The following NSMCE2 variants were observed in gnomAD, a reference collection of about 807,000 sequenced individuals.
NSMCE2 encodes E3 SUMO-protein ligase NSE2.
Under a neutral mutation model 23.8 loss-of-function variants are expected in NSMCE2, and 24 were observed. The ratio of observed to expected loss-of-function variants is 1.01; its 90% CI spans 0.73 to 1.42. The LOEUF is 1.42. Among genes scored for constraint, NSMCE2 ranks in the 40% most tolerant of loss-of-function variants. The pLI is 0.00. For missense variants in NSMCE2, 284 were observed against 296.5 expected, an observed-to-expected ratio of 0.96 and a Z score of 0.31; for synonymous variants, 92 against 94.1, an observed-to-expected ratio of 0.98 and a Z score of 0.13.
intron 5 of NSMCE2, among the ~76,000 whole-genome samples, chr8:125,247,333 CA>C (rs879906088): frequency 4.9e-5 from 7 of 144,094 alleles, no homozygotes; most frequent in African/African-American, 1.0e-4. Context: ...ACATTGTCTC[CA>C]AAAAAAAAAG....
intron 3 of NSMCE2, among the ~76,000 whole-genome samples, chr8:125,105,463 GT>G (rs368736347): frequency 1.7e-4 from 26 of 149,474 alleles, no homozygotes; most frequent in African/African-American, 5.7e-4. Flanking sequence ...TAGCTACAGA[GT>G]TTTTTTTTTC....
chr8:125,312,583 C>G (rs1829012813), intron 5 of NSMCE2, among the ~76,000 whole-genome samples: 1 of 152,192 alleles, frequency 6.6e-6, no homozygotes, highest in African/African-American at 2.4e-5. Flanking sequence ...CAAGATCACG[C>G]CACTGCATTC....
At chr8:125,201,935 C>T (rs1162733670) in intron 5 of NSMCE2, among the ~76,000 whole-genome samples, 1 of 152,228 alleles carries the variant, frequency 6.6e-6, no homozygotes, top group Non-Finnish European at 1.5e-5. Context: ...CATTCCCCCG[C>T]CTTCCTGCGA....
chr8:125,178,410 AGTAT>A (rs1463411767), intron 4 of NSMCE2, among the ~76,000 whole-genome samples: 16 of 152,338 alleles, frequency 1.1e-4, no homozygotes, highest in Admixed American at 9.1e-4. Flanking sequence ...TTATCATGTA[AGTAT>A]GGTACCTACT....
chr8:125,222,438 C>G (rs1022593931), intron 5 of NSMCE2, among the ~76,000 whole-genome samples: 3 of 152,080 alleles, frequency 2.0e-5, no homozygotes, highest in African/African-American at 4.8e-5. Flanking sequence ...GATTTTCGTG[C>G]TGTGCAATAG....
At chr8:125,234,453 T>C (rs1266551328) in intron 5 of NSMCE2, among the ~76,000 whole-genome samples, 2 of 152,226 alleles carry the variant, frequency 1.3e-5, no homozygotes, top group Non-Finnish European at 2.9e-5. Flanking sequence ...TCTGAGTCTT[T>C]CTTGCTCTGA....
intron 1 of NSMCE2, among the ~76,000 whole-genome samples, chr8:125,092,321 G>A (rs905588948): frequency 6.6e-6 from 1 of 152,194 alleles, no homozygotes; most frequent in African/African-American, 2.4e-5. Flanking sequence ...AAAGTGCCGG[G>A]ACACCAGTTT....
At chr8:125,283,522 A>G (rs1176300958) in intron 5 of NSMCE2, among the ~76,000 whole-genome samples, 2 of 152,184 alleles carry the variant, frequency 1.3e-5, no homozygotes, top group Non-Finnish European at 2.9e-5. Context: ...TGTCAAAAAA[A>G]TTAAAAAAGA....
intron 5 of NSMCE2, among the ~76,000 whole-genome samples, chr8:125,191,072 A>G (rs1467225931): frequency 6.6e-6 from 1 of 152,026 alleles, no homozygotes; most frequent in Non-Finnish European, 1.5e-5. Context: ...GGGTTTCACC[A>G]TGTTGGCCAG....
chr8:125,362,350 C>T (rs1813597361), intron 7 of NSMCE2, among the ~76,000 whole-genome samples: 2 of 152,212 alleles, frequency 1.3e-5, no homozygotes, highest in Admixed American at 1.3e-4. Flanking sequence ...CTTCCCAGTT[C>T]CAGCATCAAC....
chr8:125,256,922 C>CAAAAAAAAAAA (rs60308659), intron 5 of NSMCE2, among the ~76,000 whole-genome samples: 3 of 26,066 alleles, frequency 1.2e-4, no homozygotes, highest in African/African-American at 2.2e-4. Context: ...GACTCTGTGT[C>CAAAAAAAAAAA]AAAAAAAAAA....
chr8:125,274,703 G>A (rs554381957), intron 5 of NSMCE2, among the ~76,000 whole-genome samples: 1 of 152,246 alleles, frequency 6.6e-6, no homozygotes, highest in South Asian at 2.1e-4. Flanking sequence ...GCCAAGGCAG[G>A]CAGATGACCT....
At chr8:125,156,485 A>G (rs780933382) in intron 4 of NSMCE2, among the ~76,000 whole-genome samples, 2 of 152,208 alleles carry the variant, frequency 1.3e-5, no homozygotes, top group Non-Finnish European at 1.5e-5. Flanking sequence ...TCAATATCTT[A>G]TAACAATTCC....
At chr8:125,190,639 CT>C in intron 5 of NSMCE2, among the ~76,000 whole-genome samples, 1 of 152,134 alleles carries the variant, frequency 6.6e-6, no homozygotes, top group East Asian at 1.9e-4. Context: ...GAGAAATTAA[CT>C]TTTTCTACAT....
chr8:125,213,043 G>T (rs906100227), intron 5 of NSMCE2, among the ~76,000 whole-genome samples: 1 of 152,120 alleles, frequency 6.6e-6, no homozygotes, highest in African/African-American at 2.4e-5. Context: ...AGCAGTAAAT[G>T]ATGATTGGCT....
chr8:125,276,269 T>C (rs1463575472), intron 5 of NSMCE2, among the ~76,000 whole-genome samples: 2 of 152,200 alleles, frequency 1.3e-5, no homozygotes, highest in Non-Finnish European at 2.9e-5. Context: ...TCAAACAGAA[T>C]GGAAACCATA....
intron 3 of NSMCE2, among the ~76,000 whole-genome samples, chr8:125,149,747 TATAA>T (rs1240435175): frequency 5.3e-5 from 8 of 152,218 alleles, no homozygotes; most frequent in Non-Finnish European, 1.2e-4. Context: ...TTCTGACTAA[TATAA>T]ATAGTTACAA....
chr8:125,217,240 A>T (rs1824629576), intron 5 of NSMCE2, among the ~76,000 whole-genome samples: 1 of 152,202 alleles, frequency 6.6e-6, no homozygotes, highest in Non-Finnish European at 1.5e-5. Flanking sequence ...CTTTCTCAGA[A>T]TATTGAAAAT....
chr8:125,293,701 A>T (rs1279041521), intron 5 of NSMCE2, among the ~76,000 whole-genome samples: 1 of 152,238 alleles, frequency 6.6e-6, no homozygotes, highest in Non-Finnish European at 1.5e-5. Flanking sequence ...TGATGGGTTA[A>T]ACACTGAATG....
Sources: allele counts gnomAD v4.1 joint callset (sites outside exome capture counted in the v4.1 genomes callset), GRCh38; gene constraint gnomAD v4.1.1; transcripts MANE v1.5; gene names NCBI Gene and HGNC (gene_info 2026-07-23, HGNC 2026-07-21).